Variants in NELL1 observed in about 807,000 individuals in gnomAD.
NELL1 encodes the protein protein kinase C-binding protein NELL1.
Under a neutral mutation model 107.4 loss-of-function variants are expected in NELL1, and 76 were observed. The observed-to-expected ratio is 0.71, with a 90% CI of 0.59 to 0.86. The LOEUF is 0.86. Among genes scored for constraint, NELL1 ranks in the 40% least tolerant of loss-of-function variants. NELL1 has a pLI of 0.00. For synonymous variants in NELL1, 353 were observed against 341.2 expected (o/e 1.03, Z -0.38); for missense variants, 1,024 against 1,005.5 (o/e 1.02, Z -0.25).
intron 3 of NELL1, among the ~76,000 whole-genome samples, chr11:20,808,497 G>A (rs1313391971): frequency 1.3e-5 from 2 of 152,188 alleles, no homozygotes; most frequent in Admixed American, 6.5e-5. Context: ...GCTGGTGCAA[G>A]CACTCCCTTG....
intron 15 of NELL1, among the ~76,000 whole-genome samples, chr11:21,514,780 T>G (rs1470097026): frequency 1.3e-5 from 2 of 149,060 alleles, no homozygotes; most frequent in Admixed American, 6.6e-5. Flanking sequence ...CAGTTTTCTT[T>G]GTGACAAGAA....
intron 12 of NELL1, among the ~76,000 whole-genome samples, chr11:21,077,334 C>G (rs189485144): frequency 9.9e-5 from 15 of 151,946 alleles, no homozygotes; most frequent in African/African-American, 3.4e-4. Flanking sequence ...ATATATATCA[C>G]AAAGAGATAT....
At chr11:20,729,654 A>G (rs1006303809) in intron 2 of NELL1, among the ~76,000 whole-genome samples, 5 of 152,184 alleles carry the variant, frequency 3.3e-5, no homozygotes, top group Non-Finnish European at 7.3e-5. Context: ...TCTCATCTTC[A>G]TCCATCCATC....
At chr11:21,101,773 C>T (rs1354827022) in intron 12 of NELL1, among the ~76,000 whole-genome samples, 2 of 152,078 alleles carry the variant, frequency 1.3e-5, no homozygotes, top group Non-Finnish European at 2.9e-5. Flanking sequence ...CAACAATTTT[C>T]TCCCATTCTG....
chr11:21,272,055 G>A (rs543867448), intron 14 of NELL1, among the ~76,000 whole-genome samples: 37 of 152,316 alleles, frequency 2.4e-4, no homozygotes, highest in Middle Eastern at 6.8e-3. Context: ...GAAAGTGGGT[G>A]CAGGACAGTG....
chr11:21,566,485 CCTG>C (rs1473382424), intron 17 of NELL1, among the ~76,000 whole-genome samples: 7 of 151,500 alleles, frequency 4.6e-5, no homozygotes, highest in African/African-American at 1.7e-4. Context: ...ACTTTATTTC[CCTG>C]CTTTTTAAAA....
At chr11:21,177,464 G>A (rs559586629) in intron 13 of NELL1, among the ~76,000 whole-genome samples, 5 of 151,888 alleles carry the variant, frequency 3.3e-5, no homozygotes, top group Non-Finnish European at 7.4e-5. Context: ...AGGCCGAAGA[G>A]TATTCTATTG....
chr11:21,017,748 T>A (rs1464020489), intron 12 of NELL1, among the ~76,000 whole-genome samples: 1 of 152,146 alleles, frequency 6.6e-6, no homozygotes, highest in Non-Finnish European at 1.5e-5. Flanking sequence ...ATCCATTCCT[T>A]ATTTTATTAG....
intron 18 of NELL1, 125 bp downstream of exon 18, chr11:21,571,065 G>A (rs1857091304): frequency 2.6e-6 from 2 of 765,824 alleles, no homozygotes; most frequent in Non-Finnish European, 2.1e-6. Context: ...GGGGCCTGTG[G>A]CTAAGGGTCA....
chr11:21,052,152 CAAG>C (rs1342422840), intron 12 of NELL1, among the ~76,000 whole-genome samples: 4 of 151,934 alleles, frequency 2.6e-5, no homozygotes, highest in Non-Finnish European at 4.4e-5. Flanking sequence ...TGCCACAAGA[CAAG>C]AATGAACAAC....
intron 13 of NELL1, among the ~76,000 whole-genome samples, chr11:21,206,163 G>C (rs570301003): frequency 6.6e-6 from 1 of 152,092 alleles, no homozygotes; most frequent in African/African-American, 2.4e-5. Context: ...AAAATTAAGG[G>C]GTCAACAGGT....
chr11:21,013,129 G>C (rs1852484155), intron 12 of NELL1, among the ~76,000 whole-genome samples: 1 of 152,172 alleles, frequency 6.6e-6, no homozygotes, highest in Admixed American at 6.5e-5. Flanking sequence ...TGAACAAAGG[G>C]CAGCTTGGAG....
At chr11:20,764,611 C>CT (rs200315813) in intron 2 of NELL1, among the ~76,000 whole-genome samples, 9,442 of 141,990 alleles carry the variant, frequency 0.066, 955 homozygotes, top group African/African-American at 0.22. Context: ...CACCCCAGAC[C>CT]TTTTTTTTTT....
intron 15 of NELL1, among the ~76,000 whole-genome samples, chr11:21,372,773 A>G (rs1403444277): frequency 1.3e-5 from 2 of 151,984 alleles, no homozygotes; most frequent in East Asian, 1.9e-4. Flanking sequence ...ATTTTTTTAC[A>G]TTAGAAATAA....
intron 4 of NELL1, among the ~76,000 whole-genome samples, chr11:20,855,071 G>T (rs926480657): frequency 6.6e-6 from 1 of 152,076 alleles, no homozygotes; most frequent in Non-Finnish European, 1.5e-5. Context: ...ACCCTGTGGC[G>T]TATTCATATC....
At chr11:21,163,311 C>T (rs536336543) in intron 13 of NELL1, among the ~76,000 whole-genome samples, 26 of 152,290 alleles carry the variant, frequency 1.7e-4, no homozygotes, top group Middle Eastern at 3.4e-3. Flanking sequence ...AATGCTTTTA[C>T]AGTCTTGTTG....
At chr11:21,481,900 T>A (rs1449490244) in intron 15 of NELL1, among the ~76,000 whole-genome samples, 2 of 152,158 alleles carry the variant, frequency 1.3e-5, no homozygotes, top group African/African-American at 4.8e-5. Flanking sequence ...TTATCTTGAT[T>A]GGAGGCAAAG....
chr11:21,016,686 A>G (rs1590543839), intron 12 of NELL1, among the ~76,000 whole-genome samples: 1 of 151,784 alleles, frequency 6.6e-6, no homozygotes, highest in South Asian at 2.1e-4. Flanking sequence ...TCCTTGTTAA[A>G]CCTCCGGTGA....
At chr11:21,003,416 G>T (rs1852265598) in intron 12 of NELL1, among the ~76,000 whole-genome samples, 1 of 152,090 alleles carries the variant, frequency 6.6e-6, no homozygotes, top group Non-Finnish European at 1.5e-5. Context: ...CAGTTTTTTT[G>T]CTAGGTCACA....
Sources: gnomAD v4.1 joint callset for allele counts (sites outside exome capture counted in the v4.1 genomes callset) on GRCh38, gnomAD v4.1.1 for gene constraint, MANE v1.5 for transcripts, NCBI Gene and HGNC (gene_info 2026-07-23, HGNC 2026-07-21) for gene names.